The following WDR7 variants were observed in gnomAD, a reference collection of about 807,000 sequenced individuals.
WDR7 encodes the protein WD repeat-containing protein 7.
In WDR7, 46 loss-of-function variants were observed where a neutral mutation model predicts 169.4. The observed-to-expected ratio is 0.27, with a 90% CI of 0.21 to 0.35. The LOEUF is 0.35. WDR7 is among the 10% of genes least tolerant of loss of function. WDR7 has a pLI of 1.00. For missense variants in WDR7, 1,534 were observed against 1,859.3 expected, an observed-to-expected ratio of 0.83 and a Z score of 3.22; for synonymous variants, 612 against 666.8, an observed-to-expected ratio of 0.92 and a Z score of 1.27.
At chr18:56,869,024 A>T (rs1167783643) in intron 20 of WDR7, among the ~76,000 whole-genome samples, 1 of 152,184 alleles carries the variant, frequency 6.6e-6, no homozygotes, top group East Asian at 1.9e-4. Context: ...GATGATGCAG[A>T]TGGTAGGAAA....
At chr18:56,796,591 C>T (rs1221354561) in intron 19 of WDR7, among the ~76,000 whole-genome samples, 1 of 152,106 alleles carries the variant, frequency 6.6e-6, no homozygotes, top group Non-Finnish European at 1.5e-5. Context: ...AACTTAATAG[C>T]ATTTTGTTGC....
intron 12 of WDR7, among the ~76,000 whole-genome samples, chr18:56,710,067 A>C (rs1284709061): frequency 6.8e-6 from 1 of 146,168 alleles, no homozygotes; most frequent in Non-Finnish European, 1.5e-5. Context: ...GCAGTGGCGC[A>C]ATCTCGTCTC....
At chr18:56,885,321 AATT>A (rs2046171237) in intron 21 of WDR7, among the ~76,000 whole-genome samples, 1 of 152,150 alleles carries the variant, frequency 6.6e-6, no homozygotes, top group African/African-American at 2.4e-5. Flanking sequence ...TCAGAAGGTC[AATT>A]ATTAAGCTAA....
intron 26 of WDR7, among the ~76,000 whole-genome samples, chr18:57,010,998 C>T (rs928690088): frequency 6.6e-6 from 1 of 152,088 alleles, no homozygotes; most frequent in Non-Finnish European, 1.5e-5. Flanking sequence ...TTTTTCTATT[C>T]ATAAAACTTC....
At chr18:56,713,168 A>T (rs1377868853) in intron 12 of WDR7, among the ~76,000 whole-genome samples, 1 of 152,192 alleles carries the variant, frequency 6.6e-6, no homozygotes, top group Non-Finnish European at 1.5e-5. Context: ...TTTAATGATC[A>T]TTTGATCAGT....
chr18:56,714,715 G>A (rs2026155235), intron 12 of WDR7, among the ~76,000 whole-genome samples: 1 of 151,794 alleles, frequency 6.6e-6, no homozygotes, highest in African/African-American at 2.4e-5. Context: ...TGCCCGGCCT[G>A]GACCAAACAG....
intron 14 of WDR7, among the ~76,000 whole-genome samples, chr18:56,752,879 C>T (rs776172085): frequency 8.6e-5 from 13 of 152,002 alleles, no homozygotes; most frequent in African/African-American, 1.2e-4. Flanking sequence ...AGAGAGATTC[C>T]GGAGGGAGCA....
intron 20 of WDR7, among the ~76,000 whole-genome samples, chr18:56,879,533 G>A (rs1171503245): frequency 1.3e-5 from 2 of 151,972 alleles, no homozygotes; most frequent in Non-Finnish European, 2.9e-5. Context: ...TGATTCTGTG[G>A]GTTGTCTTTA....
intron 9 of WDR7, among the ~76,000 whole-genome samples, chr18:56,692,897 C>T (rs1020859654): frequency 4.0e-5 from 6 of 150,548 alleles, no homozygotes; most frequent in African/African-American, 2.5e-5. Context: ...AGTGAGACCC[C>T]ATCTCTACAA....
intron 19 of WDR7, among the ~76,000 whole-genome samples, chr18:56,799,043 TA>T (rs1335253808): frequency 1.1e-4 from 16 of 152,132 alleles, no homozygotes; most frequent in Admixed American, 1.0e-3. Context: ...ATAAACAAAG[TA>T]GTCATGGTCC....
chr18:56,828,950 A>G (rs2045260707), intron 20 of WDR7, among the ~76,000 whole-genome samples: 1 of 152,014 alleles, frequency 6.6e-6, no homozygotes, highest in Non-Finnish European at 1.5e-5. Flanking sequence ...TATAAACCTT[A>G]TAAAACCTGT....
At chr18:56,805,699 TA>T in intron 19 of WDR7, among the ~76,000 whole-genome samples, 1 of 152,134 alleles carries the variant, frequency 6.6e-6, no homozygotes, top group Non-Finnish European at 1.5e-5. Flanking sequence ...TTGAAGTTTT[TA>T]TTTACTTTCA....
intron 21 of WDR7, among the ~76,000 whole-genome samples, chr18:56,917,857 TA>T (rs376396294): frequency 0.011 from 1,676 of 151,182 alleles, 42 homozygotes; most frequent in African/African-American, 0.036. Flanking sequence ...ATAGCACCTT[TA>T]AAAAAAAAGT....
At chr18:56,825,351 C>T (rs1331161216) in intron 20 of WDR7, among the ~76,000 whole-genome samples, 1 of 152,196 alleles carries the variant, frequency 6.6e-6, no homozygotes, top group Non-Finnish European at 1.5e-5. Flanking sequence ...TAAAAGAACA[C>T]ATTGCAAAAT....
intron 22 of WDR7, 61 bp downstream of exon 22, chr18:56,924,169 G>A: frequency 1.3e-6 from 2 of 1,584,734 alleles, no homozygotes; most frequent in South Asian, 2.3e-5. Flanking sequence ...GGTTTTTTTG[G>A]TGGGTTTATT....
At position 56,688,157 on chromosome 18, in the gene WDR7, A is replaced by G. The variant is rs566064845; in HGVS notation, c.717+1183A>G. ...GGCAGCGGAGTTGCTGAGTTACAAC[A>G]TGGGTATCTGACTGCAGCAGCTGCT... On this transcript the variant is annotated intron_variant, in intron 7 of 27. Transcript: ENST00000254442. Among the ~76,000 whole-genome samples, 12 of 152,240 alleles carry G rather than the reference A, an allele frequency of 7.9e-5. No individual in the cohort carries two copies. In the South Asian group the frequency reaches 2.3e-3, roughly 29 times the overall value.
intron 2 of WDR7, among the ~76,000 whole-genome samples, chr18:56,674,298 T>A (rs1292581188): frequency 2.0e-5 from 3 of 152,192 alleles, no homozygotes; most frequent in African/African-American, 7.2e-5. Flanking sequence ...TGTCAATCAA[T>A]AGCTGTTATC....
intron 22 of WDR7, 79 bp downstream of exon 22, chr18:56,924,187 C>A: frequency 6.7e-7 from 1 of 1,493,674 alleles, no homozygotes; most frequent in Non-Finnish European, 9.1e-7. Flanking sequence ...ATTGATCATT[C>A]TGTATAGATT....
chr18:56,838,582 A>T (rs1238399855), intron 20 of WDR7, among the ~76,000 whole-genome samples: 2 of 152,198 alleles, frequency 1.3e-5, no homozygotes, highest in Non-Finnish European at 2.9e-5. Flanking sequence ...AGAAAGTTTT[A>T]AAAAATTGTT....
Sources: gnomAD v4.1 joint callset for allele counts (sites outside exome capture counted in the v4.1 genomes callset) on GRCh38, gnomAD v4.1.1 for gene constraint, MANE v1.5 for transcripts, NCBI Gene and HGNC (gene_info 2026-07-23, HGNC 2026-07-21) for gene names.